The following EPHB2 variants were observed in gnomAD, a reference collection of about 807,000 sequenced individuals.
EPHB2 encodes ephrin type-B receptor 2.
EPHB2 carries 18 observed loss-of-function variants against 96.4 expected under a neutral mutation model. The ratio of observed to expected loss-of-function variants is 0.19; its 90% CI spans 0.13 to 0.28. The LOEUF (loss-of-function observed/expected upper bound fraction) is 0.28, where lower values mean the gene tolerates loss of function less well. Among genes scored for constraint, EPHB2 ranks in the 10% least tolerant of loss-of-function variants. EPHB2 has a pLI of 1.00. For synonymous variants in EPHB2, 506 were observed against 534.1 expected (o/e 0.95, Z 0.72); for missense variants, 989 against 1,355.4 (o/e 0.73, Z 4.25).
At position 22,910,886 on chromosome 1, in the gene EPHB2, C is replaced by T. The variant is rs2124133186; in HGVS notation, c.2696+311C>T. 1.3e-5 allele frequency among the ~76,000 whole-genome samples: 2 copies of T among 152,290 alleles called. 1 individual carries two copies. Among genetic ancestry groups the T allele is most frequent in the South Asian group, 4.1e-4 (2 of 4,828 alleles). ...GGAGAGATGGCTCACGCCTGTAATC[C>T]CAGCACTTTGGGAGGCTGAAGTGGG... On this transcript the variant is annotated intron_variant, in intron 14 of 15. Transcript: ENST00000374630.
At chr1:22,760,387 A>G (rs1351811938) in intron 1 of EPHB2, among the ~76,000 whole-genome samples, 1 of 152,108 alleles carries the variant, frequency 6.6e-6, no homozygotes, top group Non-Finnish European at 1.5e-5. Flanking sequence ...GGGGGCCTGG[A>G]TTCTTTAAGG....
At chr1:22,785,123 G>A (rs756633674) in intron 3 of EPHB2, 47 bp downstream of exon 3, 1 of 1,608,778 alleles carries the variant, frequency 6.2e-7, no homozygotes, top group East Asian at 2.2e-5. Flanking sequence ...CATAGAACTG[G>A]TCTTGGCTGC....
intron 1 of EPHB2, among the ~76,000 whole-genome samples, chr1:22,771,551 C>T (rs573131022): frequency 6.6e-6 from 1 of 152,328 alleles, no homozygotes; most frequent in Admixed American, 6.5e-5. Context: ...ATTAGCCAGC[C>T]TGAGGGTATC....
intron 1 of EPHB2, among the ~76,000 whole-genome samples, chr1:22,720,599 G>A (rs1263133046): frequency 1.4e-5 from 2 of 140,938 alleles, no homozygotes; most frequent in Non-Finnish European, 3.0e-5. Context: ...CCTCTCACAG[G>A]TAGTTTATCG....
At chr1:22,865,452 A>G (rs1638439972) in intron 5 of EPHB2, among the ~76,000 whole-genome samples, 1 of 152,238 alleles carries the variant, frequency 6.6e-6, no homozygotes, top group South Asian at 2.1e-4. Flanking sequence ...CTGCTGTAAC[A>G]AAAAGATCCA....
chr1:22,756,621 G>A (rs1644155658), intron 1 of EPHB2, among the ~76,000 whole-genome samples: 1 of 152,170 alleles, frequency 6.6e-6, no homozygotes, highest in African/African-American at 2.4e-5. Context: ...CCTGGTGGGA[G>A]AGGGGAGAGC....
intron 12 of EPHB2, 25 bp from the exon 13 acceptor site, chr1:22,908,996 CA>C: frequency 6.2e-7 from 1 of 1,614,076 alleles, no homozygotes; most frequent in South Asian, 1.1e-5. Context: ...CTCCCACCCA[CA>C]AACCCTCCTC....
At chr1:22,744,622 T>G (rs1570193801) in intron 1 of EPHB2, among the ~76,000 whole-genome samples, 1 of 126,640 alleles carries the variant, frequency 7.9e-6, no homozygotes. Flanking sequence ...GAGGCTGCAG[T>G]GAGTTATGAT....
At chr1:22,832,814 G>A (rs1278977117) in intron 3 of EPHB2, among the ~76,000 whole-genome samples, 2 of 152,124 alleles carry the variant, frequency 1.3e-5, no homozygotes, top group African/African-American at 4.8e-5. Flanking sequence ...GAAGAAGAGG[G>A]GGTACAATAA....
chr1:22,840,408 T>C (rs1327584075), intron 3 of EPHB2, among the ~76,000 whole-genome samples: 2 of 152,182 alleles, frequency 1.3e-5, no homozygotes, highest in Non-Finnish European at 2.9e-5. Flanking sequence ...TCAAGCCTAG[T>C]AGTGACCATC....
intron 9 of EPHB2, among the ~76,000 whole-genome samples, chr1:22,897,004 GA>G (rs550895076): frequency 1.3e-5 from 2 of 152,322 alleles, no homozygotes; most frequent in Non-Finnish European, 2.9e-5. Context: ...CAGGAGGTGA[GA>G]AAAGCAGCAG....
chr1:22,901,820 A>AGAGTGT (rs138572549), intron 9 of EPHB2, among the ~76,000 whole-genome samples: 27 of 148,458 alleles, frequency 1.8e-4, no homozygotes, highest in African/African-American at 6.7e-4. Context: ...TGTGTGTGTG[A>AGAGTGT]GTGTGTGTGT....
intron 5 of EPHB2, among the ~76,000 whole-genome samples, chr1:22,868,078 C>G (rs902603269): frequency 6.6e-6 from 1 of 152,180 alleles, no homozygotes; most frequent in Non-Finnish European, 1.5e-5. Context: ...GGGGAACTCT[C>G]CTACATCCAT....
At chr1:22,809,850 A>G (rs1644978934) in intron 3 of EPHB2, among the ~76,000 whole-genome samples, 1 of 152,240 alleles carries the variant, frequency 6.6e-6, no homozygotes, top group Admixed American at 6.5e-5. Context: ...GAATAAGAGC[A>G]TGAGACCCCT....
chr1:22,729,561 G>C (rs925145958), intron 1 of EPHB2, among the ~76,000 whole-genome samples: 3 of 152,120 alleles, frequency 2.0e-5, no homozygotes, highest in Admixed American at 6.5e-5. Context: ...TGGCCTTTCA[G>C]TTCCTTGCAA....
intron 3 of EPHB2, among the ~76,000 whole-genome samples, chr1:22,795,050 C>G (rs959450976): frequency 6.6e-6 from 1 of 152,204 alleles, no homozygotes; most frequent in Non-Finnish European, 1.5e-5. Context: ...GGCACAGGCC[C>G]CACTGGCCCA....
chr1:22,840,170 T>C (rs1454262630), intron 3 of EPHB2, among the ~76,000 whole-genome samples: 1 of 152,134 alleles, frequency 6.6e-6, no homozygotes, highest in African/African-American at 2.4e-5. Flanking sequence ...ATGGGAGAAA[T>C]AGTGCCAAAC....
intron 3 of EPHB2, among the ~76,000 whole-genome samples, chr1:22,811,077 C>T (rs1241603899): frequency 6.6e-6 from 1 of 152,154 alleles, no homozygotes; most frequent in Non-Finnish European, 1.5e-5. Context: ...AAGTCCCTTG[C>T]CCTCCCTGAG....
intron 3 of EPHB2, among the ~76,000 whole-genome samples, chr1:22,847,358 C>T (rs2148504883): frequency 6.6e-6 from 1 of 152,276 alleles, no homozygotes; most frequent in East Asian, 1.9e-4. Context: ...AGCACAGCCC[C>T]CTGATAACTT....
Sources: allele counts gnomAD v4.1 joint callset (sites outside exome capture counted in the v4.1 genomes callset), GRCh38; gene constraint gnomAD v4.1.1; transcripts MANE v1.5; gene names NCBI Gene and HGNC (gene_info 2026-07-23, HGNC 2026-07-21).